The following NOL4 variants were observed in gnomAD, a reference collection of about 807,000 sequenced individuals.
NOL4 encodes the protein nucleolar protein 4.
A neutral mutation model predicts 75.9 loss-of-function variants in NOL4; 17 were observed. That is an observed-to-expected ratio of 0.22 (90% confidence interval 0.15 to 0.34). The LOEUF is 0.34. Among genes scored for constraint, NOL4 ranks in the 10% least tolerant of loss-of-function variants. The pLI, the probability that NOL4 is intolerant of heterozygous loss-of-function variation, is 1.00. For synonymous variants in NOL4, 292 were observed against 289.9 expected (o/e 1.01, Z -0.07); for missense variants, 614 against 793.5 (o/e 0.77, Z 2.72).
At chr18:34,177,210 A>G (rs1369230405) in intron 1 of NOL4, among the ~76,000 whole-genome samples, 1 of 152,024 alleles carries the variant, frequency 6.6e-6, no homozygotes, top group African/African-American at 2.4e-5. Flanking sequence ...AATTCTAGAA[A>G]TTGCAAACTA....
intron 10 of NOL4, among the ~76,000 whole-genome samples, chr18:33,859,657 G>A (rs549435644): frequency 3.9e-5 from 6 of 152,242 alleles, no homozygotes; most frequent in South Asian, 2.1e-4. Flanking sequence ...AGTGGCTTAC[G>A]CCTATAATCC....
chr18:33,933,101 T>C (rs903627364), intron 9 of NOL4, among the ~76,000 whole-genome samples: 2 of 152,148 alleles, frequency 1.3e-5, no homozygotes, highest in Non-Finnish European at 2.9e-5. Context: ...AAAACAAATA[T>C]TGCATTTAAG....
intron 6 of NOL4, among the ~76,000 whole-genome samples, chr18:33,972,225 G>A (rs1207253579): frequency 2.0e-5 from 3 of 151,364 alleles, no homozygotes; most frequent in Non-Finnish European, 4.4e-5. Flanking sequence ...ATGGTATGCT[G>A]CAATTTTTTA....
chr18:34,096,986 CCTG>C (rs1184176426), intron 4 of NOL4, among the ~76,000 whole-genome samples: 4 of 152,106 alleles, frequency 2.6e-5, no homozygotes, highest in Non-Finnish European at 4.4e-5. Flanking sequence ...CCTGATTTCG[CCTG>C]CTATTGTCCT....
intron 5 of NOL4, among the ~76,000 whole-genome samples, chr18:34,087,230 G>A (rs1256650360): frequency 5.3e-5 from 8 of 152,068 alleles, no homozygotes; most frequent in African/African-American, 2.4e-5. Context: ...AGTTTCAGGA[G>A]GCCAGTTTAG....
intron 1 of NOL4, chr18:34,157,287 C>CGT (rs2030588809): frequency 7.3e-6 from 1 of 137,134 alleles, no homozygotes; most frequent in Non-Finnish European, 1.7e-5. Context: ...TGGTAGATGC[C>CGT]AGTAAGAAAA....
At chr18:33,990,528 G>A (rs1373974563) in intron 6 of NOL4, among the ~76,000 whole-genome samples, 1 of 151,910 alleles carries the variant, frequency 6.6e-6, no homozygotes, top group Non-Finnish European at 1.5e-5. Flanking sequence ...TATACTGCAT[G>A]GTTGTCCAAA....
intron 9 of NOL4, among the ~76,000 whole-genome samples, chr18:33,942,295 T>A (rs1325188280): frequency 2.0e-5 from 3 of 151,878 alleles, no homozygotes; most frequent in African/African-American, 7.3e-5. Context: ...TTATGCAGAA[T>A]ATTTAGTATA....
At chr18:33,995,328 T>A (rs1229090052) in intron 6 of NOL4, among the ~76,000 whole-genome samples, 1 of 151,610 alleles carries the variant, frequency 6.6e-6, no homozygotes, top group Admixed American at 6.6e-5. Context: ...AAGACTACTA[T>A]TTTTTATAAA....
chr18:34,111,973 T>A (rs2079609083), intron 2 of NOL4, among the ~76,000 whole-genome samples: 2 of 152,168 alleles, frequency 1.3e-5, no homozygotes, highest in African/African-American at 4.8e-5. Flanking sequence ...GATCCAGCAA[T>A]TCCATTTCTG....
intron 6 of NOL4, among the ~76,000 whole-genome samples, chr18:33,983,590 G>A (rs879384857): frequency 6.7e-6 from 1 of 148,264 alleles, no homozygotes; most frequent in Non-Finnish European, 1.5e-5. Context: ...TATATAAATA[G>A]GAGGTGCATA....
chr18:34,091,958 G>C (rs1160481138), intron 5 of NOL4, among the ~76,000 whole-genome samples: 2 of 152,002 alleles, frequency 1.3e-5, no homozygotes, highest in African/African-American at 2.4e-5. Context: ...TTGTGCCATA[G>C]CCAAAGACCT....
At chr18:33,961,365 C>T (rs2070112947) in intron 6 of NOL4, among the ~76,000 whole-genome samples, 2 of 151,890 alleles carry the variant, frequency 1.3e-5, no homozygotes, top group African/African-American at 4.8e-5. Flanking sequence ...TCTTGAGGGC[C>T]TGAATAGAAT....
At chr18:34,116,499 T>C (rs2079867017) in intron 2 of NOL4, among the ~76,000 whole-genome samples, 1 of 152,196 alleles carries the variant, frequency 6.6e-6, no homozygotes, top group African/African-American at 2.4e-5. Context: ...TTATAAGTTA[T>C]CCAAAAATCT....
At chr18:34,072,745 G>A (rs1034492236) in intron 5 of NOL4, among the ~76,000 whole-genome samples, 11 of 152,102 alleles carry the variant, frequency 7.2e-5, no homozygotes, top group South Asian at 4.2e-4. Context: ...GCCTTTGTCC[G>A]TCATTTCATT....
At chr18:33,977,806 C>T (rs2071622371) in intron 6 of NOL4, among the ~76,000 whole-genome samples, 1 of 152,116 alleles carries the variant, frequency 6.6e-6, no homozygotes, top group African/African-American at 2.4e-5. Flanking sequence ...CAAAATCCCC[C>T]CAATCTCAGT....
rs148016526 is a variant in NOL4, at chr18:33,958,194, G to A, written c.1236+45C>T. ...TACCAACAAGCAACAACATGAAAGT[G>A]AAGTGGTAAAAATTAAACCACACTT... On this transcript the variant is annotated intron_variant, in intron 7 of 10. Coordinates refer to ENST00000261592, the MANE Select transcript of NOL4 (RefSeq NM_003787.5). 3,180 of 1,497,270 alleles carry A rather than the reference G, an allele frequency of 2.1e-3. 13 individuals carry two copies. The highest frequency in any genetic ancestry group is 0.012 in the Middle Eastern group (64 of 5,440). The allele number at this position is 1,497,270 out of a possible 1,614,324, so 92.7% of individuals were successfully genotyped here.
chr18:34,177,930 C>T (rs1472512693), intron 1 of NOL4, among the ~76,000 whole-genome samples: 3 of 151,806 alleles, frequency 2.0e-5, no homozygotes, highest in Non-Finnish European at 2.9e-5. Flanking sequence ...AAGACCTCTA[C>T]TAATGGGTAA....
chr18:33,956,883 ATTC>A (rs74768353), intron 8 of NOL4, among the ~76,000 whole-genome samples: 52,848 of 151,828 alleles, frequency 0.35, 9,603 homozygotes, highest in Non-Finnish European at 0.41. Context: ...TGAAAATGGT[ATTC>A]CTAGGTAGAT....
Sources: allele counts gnomAD v4.1 joint callset (sites outside exome capture counted in the v4.1 genomes callset), GRCh38; gene constraint gnomAD v4.1.1; transcripts MANE v1.5; gene names NCBI Gene and HGNC (gene_info 2026-07-23, HGNC 2026-07-21).